The following F13B variants were observed in gnomAD, a reference collection of about 807,000 sequenced individuals.
F13B encodes coagulation factor XIII B chain, also known as TGase.
In F13B, 58 loss-of-function variants were observed where a neutral mutation model predicts 79.8. That is an observed-to-expected ratio of 0.73 (90% CI 0.59 to 0.90). The LOEUF (loss-of-function observed/expected upper bound fraction) is 0.90. Among genes scored for constraint, F13B ranks in the 40% least tolerant of loss-of-function variants. The pLI is 0.00. For synonymous variants in F13B, 283 were observed against 260.3 expected (o/e 1.09, Z -0.84); for missense variants, 773 against 777.0 (o/e 0.99, Z 0.06).
chr1:197,057,610 G>A lies in F13B; in HGVS notation c.806-145C>T, dbSNP rs565086850. The A allele has an allele frequency of 3.9e-5, 35 of 895,028 alleles. No individual in the cohort carries two copies. In the African/African-American group the frequency reaches 5.3e-4, roughly 14 times the overall value. The allele number at this position is 895,028 out of a possible 1,614,324, so 55.4% of individuals were successfully genotyped here. A position where few individuals can be genotyped will look rare whatever the true frequency, so the allele number is the denominator to read the frequency against. On this transcript the variant is annotated intron_variant, in intron 5 of 11. Coordinates refer to ENST00000367412, the MANE Select transcript of F13B (RefSeq NM_001994.3). ...ATTCCTTTGATCCTCACCTCCTGAT[G>A]TTAACTTCCTTGTGTGATACCCCTT...
rs1349438771 is a variant in F13B, at chr1:197,052,620, C to A, written c.1555+14G>T. The A allele has an allele frequency of 7.6e-6, 12 of 1,586,018 alleles. No homozygotes were observed. Among genetic ancestry groups the A allele is most frequent in the Non-Finnish European group, 1.0e-5 (12 of 1,156,954 alleles). On this transcript the variant is annotated intron_variant, in intron 9 of 11. Transcript: ENST00000367412. Reference sequence around the variant, plus strand: ...GTCAAGTAAAGATACTTGCAGAGAACATTATTATTTTACCTTTTCTAGTAC... The same window carrying A: ...GTCAAGTAAAGATACTTGCAGAGAAAATTATTATTTTACCTTTTCTAGTAC...
chr1:197,039,137 A>T lies in F13B; in HGVS notation c.*241T>A. The stretch of plus-strand genomic sequence containing the variant: ...GAAATGAAAATATGATGTGTAGATT[A>T]ATTTGTAACAGATGGAAGACATACA... On this transcript the variant is annotated 3_prime_UTR_variant, in exon 12 of 12. Transcript: ENST00000367412. 4.4e-6 allele frequency: 2 copies of T among 459,384 alleles called. No individual in the cohort carries two copies. The highest frequency in any genetic ancestry group is 7.8e-6 in the Non-Finnish European group (2 of 257,046). The allele number at this position is 459,384 out of a possible 1,614,324, so 28.5% of individuals were successfully genotyped here.
Position 197,047,467 on chromosome 1 carries a change from C to T in F13B, c.1738+3230G>A, listed in dbSNP as rs566793945. ...GACCATCTCACTCCAGTTACAATGGCGATCATTAAAATGTCAGGAAACAGC... is the reference window on the plus strand; with the variant it reads ...GACCATCTCACTCCAGTTACAATGGTGATCATTAAAATGTCAGGAAACAGC... On this transcript the variant is annotated intron_variant, in intron 10 of 11. Transcript: ENST00000367412. 1.7e-4 allele frequency among the ~76,000 whole-genome samples: 26 copies of T among 152,214 alleles called. No homozygotes were observed. The South Asian group carries it at 3.9e-3, about 23-fold the overall frequency.
intron 5 of F13B, 23 bp downstream of exon 5, chr1:197,060,343 G>C: frequency 6.3e-7 from 1 of 1,581,702 alleles, no homozygotes; most frequent in South Asian, 1.1e-5. Flanking sequence ...GGCATTTTGC[G>C]AGTATTAAAT....
intron 3 of F13B, among the ~76,000 whole-genome samples, chr1:197,061,559 G>C (rs1255388423): frequency 6.6e-6 from 1 of 151,950 alleles, no homozygotes; most frequent in Non-Finnish European, 1.5e-5. Flanking sequence ...TCCTTTTATT[G>C]ATGCAAAGTA....
chr1:197,052,972 CAT>C (rs1655504171), intron 8 of F13B, 138 bp from the exon 9 acceptor site: 19 of 526,162 alleles, frequency 3.6e-5, no homozygotes, highest in South Asian at 1.9e-4. Flanking sequence ...CTCTCACACA[CAT>C]ATATATATAA....
intron 1 of F13B, among the ~76,000 whole-genome samples, chr1:197,066,695 TA>T (rs1165175990): frequency 6.6e-6 from 1 of 152,204 alleles, no homozygotes; most frequent in Non-Finnish European, 1.5e-5. Context: ...TTCATTGTGA[TA>T]AAAATCAAAG....
intron 10 of F13B, among the ~76,000 whole-genome samples, chr1:197,047,734 C>A (rs1655286255): frequency 6.6e-6 from 1 of 152,058 alleles, no homozygotes; most frequent in Non-Finnish European, 1.5e-5. Context: ...AAACTTGGAA[C>A]CAACCCAAAT....
At chr1:197,057,836 G>A (rs1171050972) in intron 5 of F13B, among the ~76,000 whole-genome samples, 1 of 152,174 alleles carries the variant, frequency 6.6e-6, no homozygotes, top group Non-Finnish European at 1.5e-5. Context: ...CAAGGCAAGG[G>A]GCAGAGGGCT....
At chr1:197,048,966 T>C (rs1655342326) in intron 10 of F13B, among the ~76,000 whole-genome samples, 1 of 151,920 alleles carries the variant, frequency 6.6e-6, no homozygotes, top group African/African-American at 2.4e-5. Flanking sequence ...AAAAGAAAAC[T>C]AGAAAATCCC....
At chr1:197,059,406 T>G (rs1325384675) in intron 5 of F13B, among the ~76,000 whole-genome samples, 1 of 152,156 alleles carries the variant, frequency 6.6e-6, no homozygotes, top group African/African-American at 2.4e-5. Flanking sequence ...GTCAGAGCCC[T>G]CATTTGTTTC....
Position 197,060,884 on chromosome 1 carries a change from C to T in F13B, c.628+15G>A, listed in dbSNP as rs1655829081. ...TTCAGAGTGAGAGTAGATTTTATTC[C>T]AAATGAGAACCTACTGGTACATTTT... On this transcript the variant is annotated intron_variant, in intron 4 of 11. Coordinates refer to ENST00000367412, the MANE Select transcript of F13B (RefSeq NM_001994.3). 6.2e-7 allele frequency: 1 copy of T among 1,610,076 alleles called. No individual in the cohort carries two copies. Among genetic ancestry groups the T allele is most frequent in the Admixed American group, 1.7e-5 (1 of 59,908 alleles).
In F13B at chr1:197,060,958, T is replaced by C. The variant is rs1157669994; in HGVS notation, c.569A>G (p.Lys190Arg). The change falls in exon 4 of 12, where the codon AAG becomes AGG. Residue 190 changes from lysine (K) to arginine (R), a missense_variant. Physicochemically the swap from Lys to Arg is conservative, Grantham distance 26. Coordinates refer to ENST00000367412, the MANE Select transcript of F13B (RefSeq NM_001994.3). ...GAGACATTCTACCTCCTCTGTCTTC[T>C]TTCCTCCAGCTGTGTAGTAGCCAGT... The part of the protein sequence containing the change: ...CATGYYTAGG[K>R]KTEEVECLTY... 1.2e-6 allele frequency: 2 copies of C among 1,613,220 alleles called. No homozygotes were observed. The highest frequency in any genetic ancestry group is 1.3e-5 in the African/African-American group (1 of 74,892).
intron 2 of F13B, 47 bp from the exon 3 acceptor site, chr1:197,062,016 C>A (rs1011325574): frequency 6.7e-7 from 1 of 1,503,634 alleles, no homozygotes; most frequent in Non-Finnish European, 9.2e-7. Context: ...CTAAGCTTGT[C>A]TTTTACTAAA....
In F13B at chr1:197,049,905, GA is replaced by G. The variant is rs746539331; in HGVS notation, c.1738+791del. Among the ~76,000 whole-genome samples, 5 of 152,024 alleles carry G rather than the reference GA, an allele frequency of 3.3e-5. No individual in the cohort carries two copies. The East Asian group carries it at 9.7e-4, about 29-fold the overall frequency. On this transcript the variant is annotated intron_variant, in intron 10 of 11. Transcript: ENST00000367412. The stretch of plus-strand genomic sequence containing the variant: ...AATATAATTCATTAAATTTGCAGGG[GA>G]AAAAACAAAAGTAATAATTATGTAA...
rs746518541 is a variant in F13B at position 197,040,631 on chromosome 1, T to G, written c.1843A>C (p.Ile615Leu). ...HILHGEYIEF[I>L]CRGDTYPAEL... ...GCTGGATAAGTATCTCCTCTACAAATAAACTCAATATATTCACCATGCAAA... is the reference window on the plus strand; with the variant it reads ...GCTGGATAAGTATCTCCTCTACAAAGAAACTCAATATATTCACCATGCAAA... The change falls in exon 11 of 12, where the codon ATT becomes CTT. Residue 615 changes from isoleucine (I) to leucine (L), a missense_variant. Transcript: ENST00000367412. 1.9e-6 allele frequency: 3 copies of G among 1,612,684 alleles called. No individual in the cohort carries two copies. The highest frequency in any genetic ancestry group is 1.3e-5 in the African/African-American group (1 of 74,844).
In F13B at chr1:197,052,670, T is replaced by C; in HGVS notation, c.1519A>G (p.Arg507Gly). Residue 507 changes from arginine to glycine, a missense_variant, in exon 9 of 12, where the codon AGA becomes GGA. Physicochemically the swap from Arg to Gly is moderately radical, Grantham distance 125. Transcript: ENST00000367412. ...PLSELSVQCN[R>G]GEVKYPLCTR... ...CATAAAGGATATTTCACTTCTCCTC[T>C]GTTGCACTGCACAGATAATTCAGAC... is the stretch of plus-strand genomic sequence containing the variant. The C allele has an allele frequency of 6.2e-7, 1 of 1,611,932 alleles. No homozygotes were observed. The highest frequency in any genetic ancestry group is 8.5e-7 in the Non-Finnish European group (1 of 1,178,788).
intron 8 of F13B, among the ~76,000 whole-genome samples, chr1:197,053,085 A>G (rs928678074): frequency 1.3e-5 from 2 of 152,028 alleles, no homozygotes; most frequent in Non-Finnish European, 2.9e-5. Flanking sequence ...AAGGGCATCA[A>G]TCAGTTAGAT....
chr1:197,065,749 G>C (rs1656024374), intron 1 of F13B, among the ~76,000 whole-genome samples: 1 of 152,156 alleles, frequency 6.6e-6, no homozygotes. Context: ...GCTATTTGTG[G>C]TTGAGAGAGC....
Sources: allele counts gnomAD v4.1 joint callset (sites outside exome capture counted in the v4.1 genomes callset), GRCh38; gene constraint gnomAD v4.1.1; transcripts MANE v1.5; gene names NCBI Gene and HGNC (gene_info 2026-07-23, HGNC 2026-07-21).